The following HACE1 variants were observed in gnomAD, a reference collection of about 807,000 sequenced individuals.
The protein encoded by HACE1 is E3 ubiquitin-protein ligase HACE1.
Under a neutral mutation model 118.4 loss-of-function variants are expected in HACE1, and 73 were observed. The observed-to-expected ratio is 0.62, with a 90% CI of 0.51 to 0.75. The LOEUF (loss-of-function observed/expected upper bound fraction) is 0.75. Ranked by LOEUF, HACE1 falls within the 30% of genes least tolerant of loss-of-function variation. The pLI, the probability that HACE1 is intolerant of heterozygous loss-of-function variation, is 0.00. For missense variants in HACE1, 749 were observed against 1,102.2 expected (o/e 0.68, Z 4.54); for synonymous variants, 368 against 374.8 (o/e 0.98, Z 0.21).
intron 22 of HACE1, among the ~76,000 whole-genome samples, chr6:104,736,334 G>A (rs368906462): frequency 1.3e-5 from 2 of 151,812 alleles, no homozygotes; most frequent in African/African-American, 4.8e-5. Context: ...ACCCCAGCTA[G>A]AGTGCAGTGG....
chr6:104,819,106 G>C (rs956779441), intron 6 of HACE1, among the ~76,000 whole-genome samples: 1 of 152,202 alleles, frequency 6.6e-6, no homozygotes, highest in Admixed American at 6.5e-5. Context: ...AACTATCCCT[G>C]TTTGCAGATG....
At chr6:104,831,034 T>C (rs934576558) in intron 6 of HACE1, 1 of 152,192 alleles carries the variant, frequency 6.6e-6, no homozygotes, top group African/African-American at 2.4e-5. Flanking sequence ...CAGCTGAGAC[T>C]ACTGGCACAC....
chr6:104,751,868 C>T (rs928342088), intron 19 of HACE1, among the ~76,000 whole-genome samples: 15 of 148,798 alleles, frequency 1.0e-4, no homozygotes, highest in African/African-American at 3.8e-4. Flanking sequence ...AGGGAAGAAA[C>T]TCTGTTTTAG....
At chr6:104,762,823 T>C (rs1038190185) in intron 19 of HACE1, among the ~76,000 whole-genome samples, 3 of 151,822 alleles carry the variant, frequency 2.0e-5, no homozygotes, top group East Asian at 3.9e-4. Flanking sequence ...ACCCCGTCTC[T>C]ACTAAAAGTA....
chr6:104,728,543 T>C lies in HACE1; in HGVS notation c.*1119A>G, dbSNP rs1196407502. ...TACTGGCAAACACAATGACTGCTTA[T>C]GAGAAAATCTGCATATGTCATTCTA... On this transcript the variant is annotated 3_prime_UTR_variant, in exon 24 of 24. Coordinates refer to ENST00000262903, the MANE Select transcript of HACE1 (RefSeq NM_020771.4). 6.6e-6 allele frequency: 1 copy of C among 152,210 alleles called. No homozygotes were observed. The highest frequency in any genetic ancestry group is 1.5e-5 in the Non-Finnish European group (1 of 68,030). The allele number at this position is 152,210 out of a possible 1,614,324, so 9.4% of individuals were successfully genotyped here. A position where few individuals can be genotyped will look rare whatever the true frequency, so the allele number is the denominator to read the frequency against.
chr6:104,780,295 C>G (rs894139498), intron 14 of HACE1: 1 of 427,282 alleles, frequency 2.3e-6, no homozygotes, highest in Admixed American at 2.8e-5. Context: ...CACACACACA[C>G]ATACAAACAC....
intron 19 of HACE1, among the ~76,000 whole-genome samples, chr6:104,767,918 C>T (rs1265214126): frequency 6.6e-6 from 1 of 152,050 alleles, no homozygotes; most frequent in Non-Finnish European, 1.5e-5. Context: ...TTTCTCCAAG[C>T]CTGGATGAAC....
At chr6:104,846,903 T>C (rs1038039399) in intron 4 of HACE1, among the ~76,000 whole-genome samples, 8 of 152,220 alleles carry the variant, frequency 5.3e-5, no homozygotes, top group African/African-American at 1.9e-4. Context: ...GAGTAATCTT[T>C]ATAGAAACAG....
intron 14 of HACE1, among the ~76,000 whole-genome samples, chr6:104,779,239 A>G (rs1781501663): frequency 6.6e-6 from 1 of 152,206 alleles, no homozygotes; most frequent in African/African-American, 2.4e-5. Context: ...TTCAAGAGAT[A>G]AATATGATGA....
At chr6:104,729,839 C>A in intron 23 of HACE1, 75 bp from the exon 24 acceptor site, 1 of 747,564 alleles carries the variant, frequency 1.3e-6, no homozygotes. Context: ...GCAGTGAAAA[C>A]ACTACTCATA....
chr6:104,852,226 T>TGC (rs1395098000), intron 2 of HACE1, 91 bp downstream of exon 2: 240 of 716,868 alleles, frequency 3.3e-4, no homozygotes, highest in African/African-American at 1.4e-3. Flanking sequence ...TGTGTGTGTG[T>TGC]GTGCGCGCGT....
chr6:104,748,604 A>G (rs1777700723), intron 20 of HACE1, among the ~76,000 whole-genome samples: 1 of 152,190 alleles, frequency 6.6e-6, no homozygotes. Context: ...ATGCAAACTT[A>G]TGTTTTCCTA....
chr6:104,842,480 T>A (rs948027184), intron 5 of HACE1: 2 of 151,886 alleles, frequency 1.3e-5, no homozygotes, highest in South Asian at 4.2e-4. Flanking sequence ...ACCGTGATTA[T>A]CTCAGAGTGC....
chr6:104,826,463 T>G (rs1440082297), intron 6 of HACE1, among the ~76,000 whole-genome samples: 2 of 152,198 alleles, frequency 1.3e-5, no homozygotes, highest in African/African-American at 2.4e-5. Context: ...TTTAGCAAAT[T>G]TCTTGCCCCT....
At position 104,804,402 on chromosome 6, in the gene HACE1, GC is replaced by G. The variant is rs1482169400; in HGVS notation, c.617+6908del. 2.0e-5 allele frequency among the ~76,000 whole-genome samples: 3 copies of G among 152,204 alleles called. No homozygotes were observed. The South Asian group carries it at 6.2e-4, about 32-fold the overall frequency. Reference sequence around the variant, plus strand: ...ATGGAACCAAAAAAGTGCCCTCATTGCCAAGACAATCCTAAGCAAAAAGAAC... The same window carrying G: ...ATGGAACCAAAAAAGTGCCCTCATTGCAAGACAATCCTAAGCAAAAAGAAC... On this transcript the variant is annotated intron_variant, in intron 7 of 23. Coordinates refer to ENST00000262903, the MANE Select transcript of HACE1 (RefSeq NM_020771.4).
intron 21 of HACE1, 69 bp from the exon 22 acceptor site, chr6:104,744,299 T>C (rs914382603): frequency 2.5e-5 from 24 of 978,588 alleles, no homozygotes; most frequent in African/African-American, 3.2e-5. Flanking sequence ...ACCAGAGAAA[T>C]ATGCAATATT....
chr6:104,781,473 C>T (rs1781739240), intron 14 of HACE1, among the ~76,000 whole-genome samples: 1 of 152,154 alleles, frequency 6.6e-6, no homozygotes. Context: ...AGCTGGGTGC[C>T]AGGTTTGCTA....
At chr6:104,796,824 A>G in intron 8 of HACE1, 68 bp from the exon 9 acceptor site, 1 of 1,120,390 alleles carries the variant, frequency 8.9e-7, no homozygotes, top group African/African-American at 1.5e-5. Context: ...TTCTTCACAC[A>G]ATAAAAATCT....
intron 10 of HACE1, among the ~76,000 whole-genome samples, chr6:104,792,826 G>A (rs1297337885): frequency 1.3e-5 from 2 of 152,140 alleles, no homozygotes; most frequent in Non-Finnish European, 2.9e-5. Flanking sequence ...ATATGAAGCT[G>A]TGATCAATCA....
Sources: gnomAD v4.1 joint callset for allele counts (sites outside exome capture counted in the v4.1 genomes callset) on GRCh38, gnomAD v4.1.1 for gene constraint, MANE v1.5 for transcripts, NCBI Gene and HGNC (gene_info 2026-07-23, HGNC 2026-07-21) for gene names.